The following NAA35 variants were observed in gnomAD, a reference collection of about 807,000 sequenced individuals.
NAA35 encodes N-alpha-acetyltransferase 35, NatC auxiliary subunit.
Under a neutral mutation model 101.7 loss-of-function variants are expected in NAA35, and 18 were observed. The ratio of observed to expected loss-of-function variants is 0.18; its 90% CI spans 0.12 to 0.26. The LOEUF (loss-of-function observed/expected upper bound fraction) is 0.26. Ranked by LOEUF, NAA35 falls within the 10% of genes least tolerant of loss-of-function variation. The probability of loss-of-function intolerance (pLI) is 1.00; values close to 1 mark genes in which losing one functional copy is unlikely to be tolerated. For synonymous variants in NAA35, 267 were observed against 273.1 expected (o/e 0.98, Z 0.22); for missense variants, 601 against 886.8 (o/e 0.68, Z 4.09).
intron 13 of NAA35, among the ~76,000 whole-genome samples, chr9:86,006,165 A>G (rs932079096): frequency 1.3e-5 from 2 of 151,796 alleles, no homozygotes; most frequent in Non-Finnish European, 2.9e-5. Context: ...GCGAGACCCC[A>G]TCTCAAAAAA....
At chr9:86,001,964 A>G (rs1220841051) in intron 12 of NAA35, among the ~76,000 whole-genome samples, 1 of 152,064 alleles carries the variant, frequency 6.6e-6, no homozygotes, top group African/African-American at 2.4e-5. Context: ...TAGTGACACT[A>G]GTCTGTGTGT....
chr9:85,966,548 T>C, intron 6 of NAA35: 1 of 967,816 alleles, frequency 1.0e-6, no homozygotes, highest in Non-Finnish European at 1.4e-6. Flanking sequence ...TAGTTTGATT[T>C]TTTCTTTCTT....
rs1403936778 is a variant in NAA35, at chr9:86,021,909, T to C, written c.2127T>C (p.Pro709=). Residue 709 remains proline, a synonymous_variant, in exon 23 of 23, where the codon CCT becomes CCC. Transcript: ENST00000361671. ...GGHKKESKVP[P]EFDFSAHKYF... is the part of the protein sequence containing the mutation. ...TCGTTTTTCTTTAACAGGTTCCTCC[T>C]GAATTTGATTTCTCTGCTCATAAAT... The C allele has an allele frequency of 1.2e-6, 2 of 1,613,030 alleles. No individual in the cohort carries two copies. The highest frequency in any genetic ancestry group is 1.7e-5 in the Admixed American group (1 of 59,974).
chr9:85,943,179 A>G (rs865890874), intron 2 of NAA35, among the ~76,000 whole-genome samples: 7 of 152,168 alleles, frequency 4.6e-5, no homozygotes, highest in African/African-American at 1.4e-4. Flanking sequence ...TTGAGGGGAA[A>G]GAGTCTAGGG....
chr9:85,959,109 G>C (rs959492642), intron 4 of NAA35, among the ~76,000 whole-genome samples: 9 of 152,076 alleles, frequency 5.9e-5, no homozygotes, highest in Non-Finnish European at 1.0e-4. Flanking sequence ...GGGTGCGGTG[G>C]TTCATGCCTG....
At chr9:85,981,568 A>G (rs17353249) in intron 11 of NAA35, among the ~76,000 whole-genome samples, 10,248 of 152,258 alleles carry the variant, frequency 0.067, 502 homozygotes, top group Non-Finnish European at 0.1. Flanking sequence ...TAGCTTGTGC[A>G]TATGATCTCC....
intron 11 of NAA35, among the ~76,000 whole-genome samples, chr9:85,988,574 C>A (rs977473555): frequency 6.6e-6 from 1 of 152,000 alleles, no homozygotes; most frequent in African/African-American, 2.4e-5. Context: ...CCGAGGCAGG[C>A]AGATCACCTG....
chr9:85,978,857 T>G (rs1463757737), intron 11 of NAA35, among the ~76,000 whole-genome samples: 2 of 152,152 alleles, frequency 1.3e-5, no homozygotes, highest in East Asian at 1.9e-4. Flanking sequence ...GTTACCATCT[T>G]TATTTAAATT....
At chr9:85,975,551 T>C (rs1204289336) in intron 8 of NAA35, among the ~76,000 whole-genome samples, 1 of 152,206 alleles carries the variant, frequency 6.6e-6, no homozygotes, top group African/African-American at 2.4e-5. Context: ...TAATATTTAA[T>C]ATGTAAATGC....
intron 11 of NAA35, among the ~76,000 whole-genome samples, chr9:85,990,979 G>A (rs376668766): frequency 6.6e-6 from 1 of 152,180 alleles, no homozygotes; most frequent in East Asian, 1.9e-4. Context: ...TACCTTGAGA[G>A]CATCACTGTG....
At chr9:85,947,591 C>A (rs146323638) in intron 2 of NAA35, among the ~76,000 whole-genome samples, 2,135 of 152,236 alleles carry the variant, frequency 0.014, 48 homozygotes, top group African/African-American at 0.047. Context: ...TGATTTTTCA[C>A]CTCAAGGGGC....
At chr9:85,997,517 A>C (rs968335092) in intron 12 of NAA35, among the ~76,000 whole-genome samples, 1 of 151,006 alleles carries the variant, frequency 6.6e-6, no homozygotes, top group South Asian at 2.1e-4. Flanking sequence ...AATTTTTTGT[A>C]TTTTTGGTAG....
At chr9:85,968,051 C>T (rs920167403) in intron 6 of NAA35, among the ~76,000 whole-genome samples, 1 of 152,114 alleles carries the variant, frequency 6.6e-6, no homozygotes, top group Non-Finnish European at 1.5e-5. Flanking sequence ...TTACCCCTTA[C>T]GTTCGGATTA....
chr9:85,951,083 A>G (rs1432156746), intron 2 of NAA35, among the ~76,000 whole-genome samples: 1 of 151,926 alleles, frequency 6.6e-6, no homozygotes, highest in Non-Finnish European at 1.5e-5. Context: ...AGTTGCAGTG[A>G]ACTGAGATCA....
chr9:85,958,452 C>G lies in NAA35; in HGVS notation c.159-20C>G. 1 of 1,520,942 alleles carries G rather than the reference C, an allele frequency of 6.6e-7. No individual in the cohort carries two copies. The highest frequency in any genetic ancestry group is 9.0e-7 in the Non-Finnish European group (1 of 1,105,310). 94.2% of individuals were successfully genotyped at this position (1,520,942 alleles called of 1,614,324 possible). On this transcript the variant is annotated intron_variant, in intron 3 of 22. Coordinates refer to ENST00000361671, the MANE Select transcript of NAA35 (RefSeq NM_024635.4). ...TACTGGCTCAAAAACAATTTGTTGG[C>G]TCAATTTTTTTATTTGCAGATTTGG...
At chr9:86,018,921 G>A in intron 21 of NAA35, 100 bp downstream of exon 21, 1 of 1,424,022 alleles carries the variant, frequency 7.0e-7, no homozygotes, top group Non-Finnish European at 9.5e-7. Context: ...CTTTAATAGT[G>A]TTAGTGAATA....
intron 6 of NAA35, among the ~76,000 whole-genome samples, chr9:85,966,269 A>G (rs1829740890): frequency 1.3e-5 from 2 of 152,174 alleles, no homozygotes. Flanking sequence ...TATATTCTGG[A>G]TGAAGGTCTT....
At chr9:85,973,300 T>C (rs1479149794) in intron 6 of NAA35, among the ~76,000 whole-genome samples, 4 of 152,168 alleles carry the variant, frequency 2.6e-5, no homozygotes, top group Non-Finnish European at 5.9e-5. Flanking sequence ...AGAAAACTAT[T>C]GAAAGGTTTT....
chr9:85,980,646 C>T (rs529854184), intron 11 of NAA35, among the ~76,000 whole-genome samples: 2 of 152,286 alleles, frequency 1.3e-5, no homozygotes, highest in South Asian at 2.1e-4. Flanking sequence ...TTAGGCCAGG[C>T]ACTCTCTTCT....
Sources: allele counts gnomAD v4.1 joint callset (sites outside exome capture counted in the v4.1 genomes callset), GRCh38; gene constraint gnomAD v4.1.1; transcripts MANE v1.5; gene names NCBI Gene and HGNC (gene_info 2026-07-23, HGNC 2026-07-21).